The following CYTIP variants were observed in gnomAD, a reference collection of about 807,000 sequenced individuals.
CYTIP encodes cytohesin 1 interacting protein.
A neutral mutation model predicts 43.8 loss-of-function variants in CYTIP; 26 were observed. The ratio of observed to expected loss-of-function variants is 0.59; its 90% CI spans 0.44 to 0.82. The LOEUF is 0.82. Ranked by LOEUF, CYTIP falls within the 40% of genes least tolerant of loss-of-function variation. The pLI is 0.00. For synonymous variants in CYTIP, 162 were observed against 162.9 expected, an observed-to-expected ratio of 0.99 and a Z score of 0.04; for missense variants, 426 against 443.1, an observed-to-expected ratio of 0.96 and a Z score of 0.35.
At chr2:157,433,210 A>C (rs1176954807) in intron 3 of CYTIP, among the ~76,000 whole-genome samples, 1 of 152,186 alleles carries the variant, frequency 6.6e-6, no homozygotes, top group Non-Finnish European at 1.5e-5. Context: ...ACAACAGAAT[A>C]GGGAGTAGTT....
chr2:157,415,977 G>C lies in CYTIP; in HGVS notation c.780C>G (p.Gly260=), dbSNP rs775972765. Residue 260 remains glycine (G), a synonymous_variant, in exon 8 of 8, where the codon GGC becomes GGG. Coordinates refer to ENST00000264192, the MANE Select transcript of CYTIP (RefSeq NM_004288.5). ...LSSMTMDSED[G]YQTCVSEDSS... ...AGTCCTCAGACACACACGTCTGGTA[G>C]CCATCTTCACTGTCCATCGTCATGG... The C allele has an allele frequency of 6.2e-7, 1 of 1,614,070 alleles. No individual in the cohort carries two copies. Among genetic ancestry groups the C allele is most frequent in the East Asian group, 2.2e-5 (1 of 44,884 alleles).
At chr2:157,427,101 G>C (rs957636523) in intron 6 of CYTIP, among the ~76,000 whole-genome samples, 1 of 152,168 alleles carries the variant, frequency 6.6e-6, no homozygotes, top group East Asian at 1.9e-4. Flanking sequence ...TCTTCAAGTG[G>C]CATGCCTTCC....
In CYTIP at chr2:157,443,902, C is replaced by G. The variant is rs1471826979; in HGVS notation, c.119G>C (p.Arg40Thr). ...LTGSLTMDDN[R>T]RIQMLADTVA... ...CGTGTCTGCTAGCATTTGAATCCTT[C>G]TATTATCGTCCATCGTAAGGCTGCC... Residue 40 changes from arginine (R) to threonine (T), a missense_variant, in exon 1 of 8, where the codon AGA (arginine) becomes ACA (threonine). Coordinates refer to ENST00000264192, the MANE Select transcript of CYTIP (RefSeq NM_004288.5). The G allele has an allele frequency of 1.2e-6, 2 of 1,614,154 alleles. No homozygotes were observed. Among genetic ancestry groups the G allele is most frequent in the Middle Eastern group, 3.3e-4 (2 of 6,062 alleles).
At chr2:157,438,304 A>G (rs1685845780) in intron 1 of CYTIP, among the ~76,000 whole-genome samples, 1 of 152,208 alleles carries the variant, frequency 6.6e-6, no homozygotes, top group Non-Finnish European at 1.5e-5. Flanking sequence ...GTTCTCACTC[A>G]TATGTGGAAG....
At chr2:157,421,675 C>G (rs539087119) in intron 6 of CYTIP, among the ~76,000 whole-genome samples, 11 of 152,164 alleles carry the variant, frequency 7.2e-5, no homozygotes, top group East Asian at 1.9e-4. Flanking sequence ...CAGAAAGGAC[C>G]ACTGTTTCTA....
chr2:157,416,143 C>A lies in CYTIP; in HGVS notation c.614G>T (p.Gly205Val). 6.2e-7 allele frequency: 1 copy of A among 1,601,826 alleles called. No individual in the cohort carries two copies. Residue 205 changes from glycine (G) to valine (V), a missense_variant and splice_region_variant, in exon 8 of 8, where the codon GGT becomes GTT. By Grantham distance (109) the Gly-to-Val change is moderately radical. Transcript: ENST00000264192. ...CAAACTGGGGCAATTAGCTGCATCA[C>A]CTAGAGCACAAAGTCTACTGTGAAA... is the stretch of plus-strand genomic sequence containing the variant. ...LQLQEHRLLHGDAANCPSLEN... is the reference protein window; with the variant it reads ...LQLQEHRLLHVDAANCPSLEN...
intron 7 of CYTIP, 72 bp downstream of exon 7, chr2:157,418,451 A>C: frequency 1.4e-6 from 2 of 1,478,906 alleles, no homozygotes; most frequent in Non-Finnish European, 1.8e-6. Context: ...TGATAATCTT[A>C]AACCAACTTT....
chr2:157,423,908 C>T lies in CYTIP; in HGVS notation c.546+3443G>A, dbSNP rs185744544. ...TGAATAAATGAGAAGACCAGCTTAA[C>T]AGATGCATAAAAAAAGTATTTGATA... is the stretch of plus-strand genomic sequence containing the variant. On this transcript the variant is annotated intron_variant, in intron 6 of 7. Coordinates refer to ENST00000264192, the MANE Select transcript of CYTIP (RefSeq NM_004288.5). 2.6e-5 allele frequency among the ~76,000 whole-genome samples: 4 copies of T among 152,182 alleles called. No individual in the cohort carries two copies. The East Asian group carries it at 5.8e-4, about 22-fold the overall frequency.
intron 1 of CYTIP, among the ~76,000 whole-genome samples, chr2:157,440,401 T>C (rs924804882): frequency 1.3e-5 from 2 of 152,226 alleles, no homozygotes; most frequent in African/African-American, 4.8e-5. Flanking sequence ...AGAAAAATTA[T>C]TGGATATTGA....
At chr2:157,416,366 C>T (rs1470881627) in intron 7 of CYTIP, among the ~76,000 whole-genome samples, 1 of 152,128 alleles carries the variant, frequency 6.6e-6, no homozygotes, top group Non-Finnish European at 1.5e-5. Flanking sequence ...GTTCCATGGT[C>T]ACAAAAATTA....
intron 1 of CYTIP, among the ~76,000 whole-genome samples, chr2:157,440,528 G>A (rs2105147543): frequency 6.6e-6 from 1 of 152,284 alleles, no homozygotes; most frequent in South Asian, 2.1e-4. Context: ...GTGTAGTTCA[G>A]GACAATTGGG....
At chr2:157,430,119 C>T (rs1685686964) in intron 5 of CYTIP, among the ~76,000 whole-genome samples, 1 of 151,778 alleles carries the variant, frequency 6.6e-6, no homozygotes, top group Non-Finnish European at 1.5e-5. Flanking sequence ...ACTATTCTTC[C>T]TTCCAAATGG....
intron 1 of CYTIP, 102 bp from the exon 2 acceptor site, chr2:157,434,849 T>TCTCTCA (rs1256043480): frequency 4.9e-4 from 24 of 48,720 alleles, no homozygotes; most frequent in Admixed American, 1.7e-3. Context: ...TCTCTCTCTC[T>TCTCTCA]CACACACACA....
rs532102211 is a variant in CYTIP at position 157,429,528 on chromosome 2, A to G, written c.476+1031T>C. Among the ~76,000 whole-genome samples the G allele has an allele frequency of 1.1e-4, 16 of 152,328 alleles. 1 individual carries two copies. The South Asian group carries it at 3.3e-3, about 32-fold the overall frequency. ...TTCTGAGCCATTTCCTTCCATAACT[A>G]TTAACGTACTAAGAGAGTCTTTATC... On this transcript the variant is annotated intron_variant, in intron 5 of 7. Transcript: ENST00000264192.
intron 7 of CYTIP, 131 bp from the exon 8 acceptor site, chr2:157,416,274 C>T (rs1240585366): frequency 1.8e-5 from 13 of 741,666 alleles, no homozygotes; most frequent in African/African-American, 8.9e-5. Flanking sequence ...TGAGCTTTGG[C>T]GTGCTTGAAT....
At chr2:157,437,162 AT>A (rs1685823034) in intron 1 of CYTIP, among the ~76,000 whole-genome samples, 1 of 152,132 alleles carries the variant, frequency 6.6e-6, no homozygotes. Context: ...TTGGGAAAAA[AT>A]TTTATGAATA....
At chr2:157,421,409 A>AT (rs1685520467) in intron 6 of CYTIP, among the ~76,000 whole-genome samples, 1 of 152,260 alleles carries the variant, frequency 6.6e-6, no homozygotes, top group South Asian at 2.1e-4. Context: ...ACAGCTGAAC[A>AT]TTTCCATGGC....
rs1041597071 is a variant in CYTIP, at chr2:157,419,696, G to A, written c.547-1107C>T. Among the ~76,000 whole-genome samples the A allele has an allele frequency of 3.4e-4, 52 of 152,218 alleles. 1 individual carries two copies. The highest frequency in any genetic ancestry group is 4.4e-5 in the Non-Finnish European group (3 of 68,020). On this transcript the variant is annotated intron_variant, in intron 6 of 7. Coordinates refer to ENST00000264192, the MANE Select transcript of CYTIP (RefSeq NM_004288.5). ...CTGTGGACTCTTAGGCCAAAGGAAA[G>A]ACAGCCTAGTTGAAACAAGCAATCC... is the stretch of plus-strand genomic sequence containing the variant.
intron 1 of CYTIP, among the ~76,000 whole-genome samples, chr2:157,436,862 A>G (rs1379251143): frequency 6.6e-6 from 1 of 152,236 alleles, no homozygotes. Context: ...ATATGTAAAG[A>G]TAGTCTTCAA....
Sources: allele counts gnomAD v4.1 joint callset (sites outside exome capture counted in the v4.1 genomes callset), GRCh38; gene constraint gnomAD v4.1.1; transcripts MANE v1.5; gene names NCBI Gene and HGNC (gene_info 2026-07-23, HGNC 2026-07-21).